Variants in LRBA observed in about 807,000 individuals in gnomAD.
LRBA encodes the protein lipopolysaccharide-responsive and beige-like anchor protein.
LRBA carries 176 observed loss-of-function variants against 330.0 expected under a neutral mutation model. The observed-to-expected ratio is 0.53, with a 90% CI of 0.47 to 0.60. LRBA has a LOEUF of 0.60. Ranked by LOEUF, LRBA falls within the 20% of genes least tolerant of loss-of-function variation. The pLI, the probability that LRBA is intolerant of heterozygous loss-of-function variation, is 0.00. For missense variants in LRBA, 3,259 were observed against 3,444.8 expected, an observed-to-expected ratio of 0.95 and a Z score of 1.35; for synonymous variants, 1,230 against 1,193.0, an observed-to-expected ratio of 1.03 and a Z score of -0.64.
In LRBA at chr4:150,487,782, G is replaced by A. The variant is rs781107682; in HGVS notation, c.6501C>T (p.Asn2167=). The A allele has an allele frequency of 6.3e-7, 1 of 1,598,438 alleles. No homozygotes were observed. Among genetic ancestry groups the A allele is most frequent in the Non-Finnish European group, 8.6e-7 (1 of 1,168,988 alleles). The stretch of plus-strand genomic sequence containing the variant: ...TTCCAACGCCAACACGAGGTAGATA[G>A]TTAACCACTTTCTTTACTGTTGCAG... ...PDPATVKKVV[N]YLPRVGVGTS... Residue 2167 remains asparagine (N), a synonymous_variant, in exon 42 of 57, where the codon AAC becomes AAT. Coordinates refer to ENST00000651943, the MANE Select transcript of LRBA (RefSeq NM_001364905.1).
chr4:150,837,441 TAGGTCTCTA>T (rs1025874304), intron 28 of LRBA, among the ~76,000 whole-genome samples: 5 of 152,204 alleles, frequency 3.3e-5, no homozygotes, highest in African/African-American at 9.7e-5. Context: ...AGTCTCTTTC[TAGGTCTCTA>T]AGGACTTGCT....
At chr4:150,943,431 C>G (rs1343104219) in intron 2 of LRBA, among the ~76,000 whole-genome samples, 1 of 152,054 alleles carries the variant, frequency 6.6e-6, no homozygotes, top group East Asian at 1.9e-4. Context: ...TCTTCAACAG[C>G]TTTTTCAAAA....
intron 44 of LRBA, among the ~76,000 whole-genome samples, chr4:150,440,113 T>TAC (rs1751629383): frequency 6.6e-6 from 1 of 152,142 alleles, no homozygotes; most frequent in South Asian, 2.1e-4. Flanking sequence ...ACATAGAGCT[T>TAC]ACTGTACAAT....
intron 46 of LRBA, chr4:150,423,085 G>T: frequency 1.2e-6 from 1 of 810,826 alleles, no homozygotes; most frequent in South Asian, 1.3e-5. Flanking sequence ...GACCTCTGGG[G>T]AAGAGCTCCA....
At chr4:150,622,949 G>C (rs570870563) in intron 37 of LRBA, among the ~76,000 whole-genome samples, 70 of 151,862 alleles carry the variant, frequency 4.6e-4, no homozygotes, top group Non-Finnish European at 8.4e-4. Context: ...CACCCGCCTC[G>C]GCCTCCCAAA....
At chr4:150,292,987 T>A (rs1184137709) in intron 53 of LRBA, among the ~76,000 whole-genome samples, 1 of 151,946 alleles carries the variant, frequency 6.6e-6, no homozygotes, top group Non-Finnish European at 1.5e-5. Context: ...ATATAAAACC[T>A]GGCTTTATAA....
At chr4:150,893,970 C>T (rs1217362769) in intron 16 of LRBA, among the ~76,000 whole-genome samples, 11 of 152,194 alleles carry the variant, frequency 7.2e-5, no homozygotes, top group South Asian at 2.1e-4. Context: ...TGAGCCACCG[C>T]GCCCGGCCTC....
intron 30 of LRBA, among the ~76,000 whole-genome samples, chr4:150,820,773 A>C (rs1160644070): frequency 6.6e-6 from 1 of 152,038 alleles, no homozygotes; most frequent in Non-Finnish European, 1.5e-5. Flanking sequence ...TATTACTATA[A>C]AGTTTCAGTG....
At chr4:150,622,686 A>G (rs1336729782) in intron 37 of LRBA, among the ~76,000 whole-genome samples, 1 of 109,212 alleles carries the variant, frequency 9.2e-6, no homozygotes, top group Admixed American at 1.4e-4. Context: ...ACCTAAATCA[A>G]TCTTTTTTTT....
At chr4:150,543,817 A>G (rs1765565870) in intron 40 of LRBA, among the ~76,000 whole-genome samples, 1 of 152,152 alleles carries the variant, frequency 6.6e-6, no homozygotes, top group South Asian at 2.1e-4. Context: ...TTTATTACCA[A>G]AGTACCTCAA....
rs944876968 is a variant in LRBA, at chr4:150,944,995, G to T, written c.217-15930C>A. ...TTGTTCCTCCTTCGCCTTCCACTAC[G>T]ACTGTGGGGCCTCCCCAGCAATGTG... On this transcript the variant is annotated intron_variant, in intron 2 of 56. Coordinates refer to ENST00000651943, the MANE Select transcript of LRBA (RefSeq NM_001364905.1). 3.9e-5 allele frequency among the ~76,000 whole-genome samples: 6 copies of T among 152,262 alleles called. No individual in the cohort carries two copies. In the South Asian group the frequency reaches 1.2e-3, roughly 32 times the overall value.
In LRBA at chr4:150,849,158, G is replaced by A. The variant is rs956011201; in HGVS notation, c.4159-160C>T. ...TATTATTTCATCTAAAAAGGGTGGG[G>A]GATGAGGAGGAGCAACAGAACCATA... is the stretch of plus-strand genomic sequence containing the variant. On this transcript the variant is annotated intron_variant, in intron 25 of 56. Coordinates refer to ENST00000651943, the MANE Select transcript of LRBA (RefSeq NM_001364905.1). Among the ~76,000 whole-genome samples, 4 of 152,036 alleles carry A rather than the reference G, an allele frequency of 2.6e-5. No homozygotes were observed. The East Asian group carries it at 7.7e-4, about 29-fold the overall frequency.
chr4:150,936,720 A>C (rs918497516), intron 2 of LRBA, among the ~76,000 whole-genome samples: 2 of 152,102 alleles, frequency 1.3e-5, no homozygotes, highest in Non-Finnish European at 2.9e-5. Context: ...TCTAGAAGAC[A>C]GAAACTAAAC....
chr4:150,584,471 A>ACC (rs1491018181), intron 40 of LRBA: 5 of 37,922 alleles, frequency 1.3e-4, no homozygotes, highest in African/African-American at 4.6e-4. Context: ...TCTCCACCCC[A>ACC]TCCCCCCCCC....
At chr4:150,452,829 CA>C (rs1326988863) in intron 44 of LRBA, among the ~76,000 whole-genome samples, 1 of 152,012 alleles carries the variant, frequency 6.6e-6, no homozygotes, top group Non-Finnish European at 1.5e-5. Context: ...AAAAAGTCTA[CA>C]AAAAGGCTGC....
chr4:150,646,473 G>A (rs1254065362), intron 37 of LRBA, among the ~76,000 whole-genome samples: 1 of 152,042 alleles, frequency 6.6e-6, no homozygotes, highest in Non-Finnish European at 1.5e-5. Flanking sequence ...GGGAGTCACT[G>A]GCCAATAGGC....
intron 34 of LRBA, among the ~76,000 whole-genome samples, chr4:150,768,926 CCTTT>C (rs1736151907): frequency 8.1e-6 from 1 of 123,090 alleles, no homozygotes; most frequent in Non-Finnish European, 1.6e-5. Flanking sequence ...AGTGCTGTCT[CCTTT>C]TTTTTTTTTT....
intron 40 of LRBA, among the ~76,000 whole-genome samples, chr4:150,528,269 G>A (rs1763677552): frequency 6.6e-6 from 1 of 152,104 alleles, no homozygotes; most frequent in South Asian, 2.1e-4. Flanking sequence ...GCAGGCTGAG[G>A]CAGGTGGATC....
intron 22 of LRBA, among the ~76,000 whole-genome samples, chr4:150,856,809 T>C (rs918237644): frequency 9.9e-5 from 15 of 152,206 alleles, no homozygotes; most frequent in African/African-American, 3.4e-4. Flanking sequence ...AATCATTTGA[T>C]AGCTAATCTA....
Sources: allele counts gnomAD v4.1 joint callset (sites outside exome capture counted in the v4.1 genomes callset), GRCh38; gene constraint gnomAD v4.1.1; transcripts MANE v1.5; gene names NCBI Gene and HGNC (gene_info 2026-07-23, HGNC 2026-07-21).